The following MARS1 variants were observed in gnomAD, a reference collection of about 807,000 sequenced individuals.
MARS1 encodes methionine--tRNA ligase, cytoplasmic.
A neutral mutation model predicts 119.5 loss-of-function variants in MARS1; 80 were observed. The observed-to-expected ratio is 0.67, with a 90% CI of 0.56 to 0.81. The LOEUF (loss-of-function observed/expected upper bound fraction) is 0.81. MARS1 is among the 30% of genes least tolerant of loss of function. The probability of loss-of-function intolerance (pLI) is 0.00; values close to 1 mark genes in which losing one functional copy is unlikely to be tolerated. For synonymous variants in MARS1, 418 were observed against 433.4 expected (o/e 0.96, Z 0.44); for missense variants, 945 against 1,116.5 (o/e 0.85, Z 2.19).
rs372803097 is a variant in MARS1 at position 57,516,219 on chromosome 12, C to A, written c.2464-26C>A. The A allele has an allele frequency of 3.1e-6, 5 of 1,602,066 alleles. No homozygotes were observed. In the Admixed American group the frequency reaches 6.7e-5, roughly 21 times the overall value. On this transcript the variant is annotated intron_variant, in intron 19 of 20. Transcript: ENST00000262027. ...GGAGGTTAGGGGATATTTATGGTTG[C>A]TGGTGATAACTTTGTTGTTCTCCAG...
At chr12:57,510,231 T>G (rs992010024) in intron 11 of MARS1, among the ~76,000 whole-genome samples, 1 of 152,154 alleles carries the variant, frequency 6.6e-6, no homozygotes, top group African/African-American at 2.4e-5. Flanking sequence ...CCCAGCAGTT[T>G]GGGAGGCCAA....
At position 57,512,324 on chromosome 12, in the gene MARS1, A is replaced by G. The variant is rs1877562545; in HGVS notation, c.1724A>G (p.Tyr575Cys). The change falls in exon 14 of 21, where the codon TAT (tyrosine) becomes TGT (cysteine). Residue 575 changes from tyrosine (Y) to cysteine (C), a missense_variant. Coordinates refer to ENST00000262027, the MANE Select transcript of MARS1 (RefSeq NM_004990.4). ...PCSALGAEDN[Y>C]TLVSHLIATE... Reference sequence around the variant, plus strand: ...TCAGCCCTAGGAGCTGAGGATAACTATACCTTGGTCAGCCACCTCATTGCT... The same window carrying G: ...TCAGCCCTAGGAGCTGAGGATAACTGTACCTTGGTCAGCCACCTCATTGCT... 1 of 1,614,112 alleles carries G rather than the reference A, an allele frequency of 6.2e-7. No homozygotes were observed. The highest frequency in any genetic ancestry group is 8.5e-7 in the Non-Finnish European group (1 of 1,179,984).
At chr12:57,494,793 A>G (rs938018953) in intron 7 of MARS1, among the ~76,000 whole-genome samples, 1 of 152,100 alleles carries the variant, frequency 6.6e-6, no homozygotes, top group African/African-American at 2.4e-5. Flanking sequence ...GAGTGGACAC[A>G]GCACATGTTT....
intron 20 of MARS1, 44 bp downstream of exon 20, chr12:57,516,381 T>C (rs765029749): frequency 2.7e-5 from 43 of 1,612,038 alleles, no homozygotes; most frequent in Non-Finnish European, 3.5e-5. Flanking sequence ...AGCTGAATCC[T>C]AAATAGATCT....
intron 7 of MARS1, among the ~76,000 whole-genome samples, chr12:57,493,898 G>T (rs186938735): frequency 2.7e-4 from 12 of 44,908 alleles, no homozygotes; most frequent in Admixed American, 3.6e-4. Context: ...ATATATTTAT[G>T]TTATATAATA....
chr12:57,495,134 C>T (rs1179537112), intron 7 of MARS1, among the ~76,000 whole-genome samples: 18 of 149,628 alleles, frequency 1.2e-4, no homozygotes, highest in Admixed American at 6.6e-5. Flanking sequence ...CAGGCGGAGG[C>T]GCCCCCCACC....
chr12:57,514,005 G>A (rs1157285361), intron 15 of MARS1, among the ~76,000 whole-genome samples: 14 of 146,040 alleles, frequency 9.6e-5, no homozygotes, highest in Non-Finnish European at 1.3e-4. Flanking sequence ...AAAGGTTGCA[G>A]TGAGCCAAGA....
chr12:57,498,650 T>C (rs766632803), intron 9 of MARS1, 27 bp downstream of exon 9: 1 of 1,606,538 alleles, frequency 6.2e-7, no homozygotes, highest in Non-Finnish European at 8.5e-7. Flanking sequence ...GAGGCAGAAA[T>C]GGGGCTTGAA....
intron 15 of MARS1, 112 bp from the exon 16 acceptor site, chr12:57,514,608 C>A: frequency 1.5e-6 from 2 of 1,359,298 alleles, no homozygotes; most frequent in Admixed American, 1.7e-5. Context: ...CTGTTCCAGG[C>A]AGGAATCCTG....
At chr12:57,500,580 G>A (rs558585397) in intron 10 of MARS1, 58 bp downstream of exon 10, 14 of 1,507,878 alleles carry the variant, frequency 9.3e-6, no homozygotes, top group African/African-American at 5.5e-5. Context: ...CTTAAGGGAC[G>A]CCCTTCCTGT....
In MARS1 at chr12:57,504,221, G is replaced by A. The variant is rs555920823; in HGVS notation, c.1294-4G>A. 1.2e-5 allele frequency: 19 copies of A among 1,613,304 alleles called. No homozygotes were observed. The highest frequency in any genetic ancestry group is 6.7e-5 in the African/African-American group (5 of 74,986). On this transcript the variant is annotated splice_region_variant and splice_polypyrimidine_tract_variant and intron_variant, in intron 10 of 20. Coordinates refer to ENST00000262027, the MANE Select transcript of MARS1 (RefSeq NM_004990.4). Reference sequence around the variant, plus strand: ...GATCTGTCCTCTGGAATTTTCCTTCGCAGAAGCCTCAGTGTAAAGTCTGCC... The same window carrying A: ...GATCTGTCCTCTGGAATTTTCCTTCACAGAAGCCTCAGTGTAAAGTCTGCC...
At chr12:57,504,121 C>G in intron 10 of MARS1, 104 bp from the exon 11 acceptor site, 5 of 777,656 alleles carry the variant, frequency 6.4e-6, no homozygotes, top group African/African-American at 1.7e-5. Context: ...TGAAGCTAAA[C>G]TAGATGGCAG....
chr12:57,495,004 C>T (rs1442152658), intron 7 of MARS1, among the ~76,000 whole-genome samples: 1 of 152,214 alleles, frequency 6.6e-6, no homozygotes, highest in Non-Finnish European at 1.5e-5. Context: ...ATGGCCCGTT[C>T]TCAGTGAGCT....
rs188135148 is a variant in MARS1 at position 57,499,486 on chromosome 12, C to T, written c.1092-835C>T. Among the ~76,000 whole-genome samples, 34 of 151,028 alleles carry T rather than the reference C, an allele frequency of 2.3e-4. No homozygotes were observed. The East Asian group carries it at 5.6e-3, about 25-fold the overall frequency. ...AGGCGTGGTGGTGGGCGCCTGTAGTCCCAGCTACTCTGGAGGCTGAGGCAG... is the reference window on the plus strand; with the variant it reads ...AGGCGTGGTGGTGGGCGCCTGTAGTTCCAGCTACTCTGGAGGCTGAGGCAG... On this transcript the variant is annotated intron_variant, in intron 9 of 20. Transcript: ENST00000262027.
rs760745638 is a variant in MARS1 at position 57,489,123 on chromosome 12, C to T, written c.200+14C>T. 6.2e-7 allele frequency: 1 copy of T among 1,613,050 alleles called. No individual in the cohort carries two copies. ...TGCAATCTGCCGGTCAGTATTGGTC[C>T]TTGGTGTAGGGAGGTGGCTGAATCA... On this transcript the variant is annotated intron_variant, in intron 2 of 20. Coordinates refer to ENST00000262027, the MANE Select transcript of MARS1 (RefSeq NM_004990.4).
At chr12:57,504,006 TG>T (rs1877060232) in intron 10 of MARS1, 2 of 573,362 alleles carry the variant, frequency 3.5e-6, no homozygotes, top group Non-Finnish European at 6.2e-6. Flanking sequence ...TCTGGTGTGA[TG>T]GGACAGAGAT....
At position 57,511,795 on chromosome 12, in the gene MARS1, G is replaced by A. The variant is rs1441274721; in HGVS notation, c.1466G>A (p.Gly489Asp). 1 of 1,614,066 alleles carries A rather than the reference G, an allele frequency of 6.2e-7. No homozygotes were observed. The highest frequency in any genetic ancestry group is 8.5e-7 in the Non-Finnish European group (1 of 1,180,028). The change falls in exon 12 of 21, where the codon GGC (glycine) becomes GAC (aspartate). Residue 489 changes from glycine to aspartate, a missense_variant. Physicochemically the swap from Gly to Asp is moderately conservative, Grantham distance 94 (BLOSUM62 -1). Coordinates refer to ENST00000262027, the MANE Select transcript of MARS1 (RefSeq NM_004990.4). ...QFITRSWLRD[G>D]LKPRCITRDL... Reference sequence around the variant, plus strand: ...ATCACCCGTTCTTGGCTTCGGGATGGCCTCAAGCCACGCTGCATAACCCGA... The same window carrying A: ...ATCACCCGTTCTTGGCTTCGGGATGACCTCAAGCCACGCTGCATAACCCGA...
chr12:57,512,852 T>TTCTA lies in MARS1; in HGVS notation c.1859_1862dup (p.Leu622SerfsTer7), dbSNP rs1877591168. 7.4e-6 allele frequency: 12 copies of TTCTA among 1,614,124 alleles called. No individual in the cohort carries two copies. Among genetic ancestry groups the TTCTA allele is most frequent in the Non-Finnish European group, 1.0e-5 (12 of 1,180,056 alleles). ...GGGGATCCCTGCTGACATCTGGCGC[T>TTCTA]TCTATCTGCTGTACATTCGGCCTGA... is the stretch of plus-strand genomic sequence containing the variant. On this transcript the variant is annotated frameshift_variant, in exon 15 of 21. Coordinates refer to ENST00000262027, the MANE Select transcript of MARS1 (RefSeq NM_004990.4). LOFTEE classifies it high-confidence loss of function.
chr12:57,500,592 C>A lies in MARS1; in HGVS notation c.1293+70C>A, dbSNP rs1285344623. 3 of 1,449,656 alleles carry A rather than the reference C, an allele frequency of 2.1e-6. No homozygotes were observed. In the African/African-American group the frequency reaches 4.2e-5, roughly 20 times the overall value. The allele number at this position is 1,449,656 out of a possible 1,614,324, so 89.8% of individuals were successfully genotyped here. ...ATTCTTAAGGGACGCCCTTCCTGTC[C>A]CATTTAGGATTTTTATTTTAGCATT... On this transcript the variant is annotated intron_variant, in intron 10 of 20. Coordinates refer to ENST00000262027, the MANE Select transcript of MARS1 (RefSeq NM_004990.4).
Sources: allele counts gnomAD v4.1 joint callset (sites outside exome capture counted in the v4.1 genomes callset), GRCh38; gene constraint gnomAD v4.1.1; transcripts MANE v1.5; gene names NCBI Gene and HGNC (gene_info 2026-07-23, HGNC 2026-07-21).